The following CREBBP variants were observed in gnomAD, a reference collection of about 807,000 sequenced individuals.
CREBBP encodes the protein CREB binding lysine acetyltransferase.
In CREBBP, 19 loss-of-function variants were observed where a neutral mutation model predicts 265.0. That is an observed-to-expected ratio of 0.07 (90% CI 0.05 to 0.11). CREBBP has a LOEUF of 0.11. Among genes scored for constraint, CREBBP ranks in the 10% least tolerant of loss-of-function variants. The probability of loss-of-function intolerance (pLI) is 1.00; values close to 1 mark genes in which losing one functional copy is unlikely to be tolerated. For synonymous variants in CREBBP, 1,457 were observed against 1,223.7 expected, an observed-to-expected ratio of 1.19 and a Z score of -3.98; for missense variants, 2,525 against 3,219.0, an observed-to-expected ratio of 0.78 and a Z score of 5.22.
chr16:3,826,902 A>G lies in CREBBP; in HGVS notation c.799-16123T>C, dbSNP rs187785922. On this transcript the variant is annotated intron_variant, in intron 2 of 30. Coordinates refer to ENST00000262367, the MANE Select transcript of CREBBP (RefSeq NM_004380.3). ...ATGACAAACACAACACAGGAAAGGTAAGAGGCTAACAATAGGAAGTGCGTG... is the reference window on the plus strand; with the variant it reads ...ATGACAAACACAACACAGGAAAGGTGAGAGGCTAACAATAGGAAGTGCGTG... 4.6e-5 allele frequency among the ~76,000 whole-genome samples: 7 copies of G among 152,354 alleles called. No individual in the cohort carries two copies. In the East Asian group the frequency reaches 1.3e-3, roughly 29 times the overall value.
chr16:3,854,796 C>T (rs2054924748), intron 1 of CREBBP, among the ~76,000 whole-genome samples: 1 of 152,218 alleles, frequency 6.6e-6, no homozygotes, highest in African/African-American at 2.4e-5. Context: ...AGACCAGTCC[C>T]TCTTGTCAGT....
At chr16:3,879,142 G>A (rs1290446838) in intron 1 of CREBBP, among the ~76,000 whole-genome samples, 1 of 152,088 alleles carries the variant, frequency 6.6e-6, no homozygotes, top group African/African-American at 2.4e-5. Context: ...ACATGGAAAT[G>A]AAACACACCA....
intron 19 of CREBBP, among the ~76,000 whole-genome samples, chr16:3,754,398 A>G (rs1280496513): frequency 1.3e-5 from 2 of 152,238 alleles, no homozygotes; most frequent in Non-Finnish European, 2.9e-5. Context: ...CTGGAAACAC[A>G]TAAAGATTTA....
At chr16:3,820,603 C>T (rs1386073768) in intron 2 of CREBBP, among the ~76,000 whole-genome samples, 2 of 152,182 alleles carry the variant, frequency 1.3e-5, no homozygotes, top group African/African-American at 4.8e-5. Context: ...AAGAAGCATT[C>T]CTTGTCTTCT....
intron 19 of CREBBP, among the ~76,000 whole-genome samples, chr16:3,756,143 C>CTGACCAAA (rs2052580943): frequency 6.6e-6 from 1 of 152,162 alleles, no homozygotes; most frequent in Non-Finnish European, 1.5e-5. Context: ...CATAATTACT[C>CTGACCAAA]TGACCAAATG....
intron 23 of CREBBP, 113 bp downstream of exon 23, chr16:3,744,781 T>C: frequency 1.2e-6 from 1 of 844,056 alleles, no homozygotes; most frequent in Non-Finnish European, 2.0e-6. Context: ...CGAAAATCTT[T>C]GACAACCGAA....
At chr16:3,785,116 T>C (rs961705340) in intron 5 of CREBBP, among the ~76,000 whole-genome samples, 1 of 152,180 alleles carries the variant, frequency 6.6e-6, no homozygotes, top group African/African-American at 2.4e-5. Context: ...GTAAGGGTGC[T>C]CAGGCATTCA....
intron 13 of CREBBP, among the ~76,000 whole-genome samples, chr16:3,771,317 C>T (rs1433262391): frequency 6.6e-6 from 1 of 152,138 alleles, no homozygotes; most frequent in Admixed American, 6.5e-5. Context: ...GATCCTCCCG[C>T]CTCGGCCTTC....
chr16:3,805,357 A>G (rs2053807549), intron 3 of CREBBP, among the ~76,000 whole-genome samples: 1 of 152,254 alleles, frequency 6.6e-6, no homozygotes, highest in South Asian at 2.1e-4. Context: ...AAGAGATGAC[A>G]TGACTATTCA....
At chr16:3,759,694 G>A (rs1450716394) in intron 16 of CREBBP, among the ~76,000 whole-genome samples, 1 of 151,976 alleles carries the variant, frequency 6.6e-6, no homozygotes, top group Non-Finnish European at 1.5e-5. Context: ...AAACGGTTTT[G>A]AATCTCATAA....
At chr16:3,832,358 A>G (rs748842172) in intron 2 of CREBBP, among the ~76,000 whole-genome samples, 3 of 152,220 alleles carry the variant, frequency 2.0e-5, no homozygotes, top group Non-Finnish European at 4.4e-5. Flanking sequence ...TCAAAAACAA[A>G]TAAGAACACT....
chr16:3,728,437 G>GC lies in CREBBP; in HGVS notation c.6609_6610insG (p.Gln2204AlafsTer137), dbSNP rs754959530. ...TGTTGCTGCTGTTGTTGCTGCTGCT[G>GC]TTGCTGCTGCTGCTGCAGCAGCTGC... On this transcript the variant is annotated frameshift_variant, in exon 31 of 31. Transcript: ENST00000262367. LOFTEE classifies it high-confidence loss of function. This position sits in a 1 kb window ranked among gnomAD's most constrained non-coding sequence, Gnocchi z 8.7. The GC allele has an allele frequency of 1.5e-4, 244 of 1,612,202 alleles. 1 individual carries two copies. The African/African-American group carries it at 2.8e-3, about 19-fold the overall frequency.
rs2052175855 is a variant in CREBBP, at chr16:3,740,448, C to T, written c.4084G>A (p.Val1362Met). The T allele has an allele frequency of 6.2e-7, 1 of 1,614,058 alleles. No individual in the cohort carries two copies. Among genetic ancestry groups the T allele is most frequent in the Non-Finnish European group, 8.5e-7 (1 of 1,180,040 alleles). ...TCCACCGTCTTGTCTGAGCTGGCCA[C>T]CACTCGGACAAAAACCTCCCCGGCT... is the stretch of plus-strand genomic sequence containing the variant. ...PEAGEVFVRV[V>M]ASSDKTVEVK... The change falls in exon 24 of 31, where the codon GTG becomes ATG. Residue 1362 changes from valine (V) to methionine (M), a missense_variant. Transcript: ENST00000262367.
chr16:3,814,964 G>A (rs557679239), intron 2 of CREBBP, among the ~76,000 whole-genome samples: 11 of 152,304 alleles, frequency 7.2e-5, no homozygotes, highest in African/African-American at 2.6e-4. Flanking sequence ...CATTGCCCAG[G>A]CAAGGCTACC....
chr16:3,775,448 A>C (rs567145185), intron 11 of CREBBP, among the ~76,000 whole-genome samples: 84 of 152,320 alleles, frequency 5.5e-4, no homozygotes, highest in African/African-American at 2.0e-3. Context: ...AATTAGTCTT[A>C]GGACCAACAC....
Position 3,731,101 on chromosome 16 carries a change from C to G in CREBBP, c.5172+91G>C. The G allele has an allele frequency of 7.2e-7, 1 of 1,381,002 alleles. No homozygotes were observed. The highest frequency in any genetic ancestry group is 2.3e-5 in the East Asian group (1 of 43,620). The allele number at this position is 1,381,002 out of a possible 1,614,324, so 85.5% of individuals were successfully genotyped here. On this transcript the variant is annotated intron_variant, in intron 30 of 30. Transcript: ENST00000262367. This position sits in a 1 kb window ranked among gnomAD's most constrained non-coding sequence, Gnocchi z 7.7. The stretch of plus-strand genomic sequence containing the variant: ...GAGTCAGTGCAGCCACCATCAGGTA[C>G]AGACACCAACCCGGGCACCCATGCA...
chr16:3,837,764 T>A (rs369174157), intron 2 of CREBBP, among the ~76,000 whole-genome samples: 3 of 152,102 alleles, frequency 2.0e-5, no homozygotes, highest in African/African-American at 4.8e-5. Flanking sequence ...AAAAAGTTTT[T>A]AAAAAACTGA....
chr16:3,867,757 TAAAAAAAAA>T, intron 1 of CREBBP, among the ~76,000 whole-genome samples: 1 of 94,536 alleles, frequency 1.1e-5, no homozygotes, highest in African/African-American at 4.0e-5. Flanking sequence ...GTATCTCTAC[TAAAAAAAAA>T]AAAAAAAAAA....
chr16:3,824,928 C>A (rs918347805), intron 2 of CREBBP, among the ~76,000 whole-genome samples: 1 of 152,168 alleles, frequency 6.6e-6, no homozygotes, highest in East Asian at 1.9e-4. Context: ...CACGCAGGGC[C>A]GCTCTAACTT....
Sources: allele counts gnomAD v4.1 joint callset (sites outside exome capture counted in the v4.1 genomes callset), GRCh38; gene constraint gnomAD v4.1.1; non-coding constraint Gnocchi (gnomAD v3.1); transcripts MANE v1.5; gene names NCBI Gene and HGNC (gene_info 2026-07-23, HGNC 2026-07-21).